The following BRINP3 variants were observed in gnomAD, a reference collection of about 807,000 sequenced individuals.
BRINP3 encodes the protein BMP/retinoic acid inducible neural specific 3.
BRINP3 carries 19 observed loss-of-function variants against 71.0 expected under a neutral mutation model. The observed-to-expected ratio is 0.27, with a 90% CI of 0.19 to 0.39. The LOEUF is 0.39. BRINP3 is among the 10% of genes least tolerant of loss of function. BRINP3 has a pLI of 1.00. For missense variants in BRINP3, 959 were observed against 940.8 expected, an observed-to-expected ratio of 1.02 and a Z score of -0.25; for synonymous variants, 380 against 337.7, an observed-to-expected ratio of 1.13 and a Z score of -1.37.
intron 6 of BRINP3, among the ~76,000 whole-genome samples, chr1:190,197,399 A>G (rs1458642386): frequency 6.6e-6 from 1 of 152,182 alleles, no homozygotes; most frequent in Non-Finnish European, 1.5e-5. Context: ...CATGAACTCA[A>G]AAGTCCATAG....
intron 1 of BRINP3, chr1:190,476,119 G>C (rs1042539800): frequency 6.6e-6 from 1 of 152,132 alleles, no homozygotes; most frequent in Admixed American, 6.5e-5. Context: ...CCCGAGACGG[G>C]GGGATGGGGC....
At chr1:190,443,715 T>G (rs1164661780) in intron 2 of BRINP3, among the ~76,000 whole-genome samples, 2 of 152,138 alleles carry the variant, frequency 1.3e-5, no homozygotes, top group African/African-American at 4.8e-5. Flanking sequence ...CAAGATAAAC[T>G]GAGAGGTTTA....
intron 2 of BRINP3, among the ~76,000 whole-genome samples, chr1:190,300,782 A>G (rs1664623990): frequency 6.6e-6 from 1 of 152,248 alleles, no homozygotes; most frequent in East Asian, 1.9e-4. Flanking sequence ...TCTGTACTTC[A>G]CCATCATCAA....
intron 2 of BRINP3, among the ~76,000 whole-genome samples, chr1:190,364,074 T>A (rs79525121): frequency 6.6e-6 from 1 of 151,766 alleles, no homozygotes; most frequent in Non-Finnish European, 1.5e-5. Flanking sequence ...AAAAAAAAAG[T>A]AGTATCTCTG....
At chr1:190,192,641 G>C (rs1328193347) in intron 6 of BRINP3, among the ~76,000 whole-genome samples, 1 of 151,644 alleles carries the variant, frequency 6.6e-6, no homozygotes, top group African/African-American at 2.4e-5. Flanking sequence ...AGTTCTCTAT[G>C]ACCCTCAAAA....
intron 3 of BRINP3, among the ~76,000 whole-genome samples, chr1:190,271,089 T>C (rs1662072101): frequency 6.6e-6 from 1 of 151,674 alleles, no homozygotes; most frequent in Admixed American, 6.6e-5. Flanking sequence ...AGTCTCCCTT[T>C]GTATGGTAGT....
chr1:190,169,588 G>C (rs951938224), intron 6 of BRINP3, among the ~76,000 whole-genome samples: 2 of 152,058 alleles, frequency 1.3e-5, no homozygotes, highest in African/African-American at 4.8e-5. Flanking sequence ...GAGGCCTCAA[G>C]GGCAATTATA....
chr1:190,268,101 T>C (rs1661809436), intron 3 of BRINP3, among the ~76,000 whole-genome samples: 1 of 152,160 alleles, frequency 6.6e-6, no homozygotes, highest in Admixed American at 6.6e-5. Flanking sequence ...ATAATTCCAA[T>C]ACTGCAAAAC....
Position 190,226,312 on chromosome 1 carries a change from T to C in BRINP3, c.731A>G (p.Gln244Arg), listed in dbSNP as rs778025234. 1 of 1,539,860 alleles carries C rather than the reference T, an allele frequency of 6.5e-7. No homozygotes were observed. Among genetic ancestry groups the C allele is most frequent in the Admixed American group, 2.0e-5 (1 of 49,040 alleles). Residue 244 changes from glutamine (Q) to arginine (R), a missense_variant, in exon 6 of 8, where the codon CAA (glutamine) becomes CGA (arginine). Coordinates refer to ENST00000367462, the MANE Select transcript of BRINP3 (RefSeq NM_199051.3). ...PENKIQLQGL[Q>R]VLLPDYLQER... ...CTGAAGATAGTCTGGGAGAAGTACTTGAAGCCCTTGAAGAACAAACAAAGA... is the reference window on the plus strand; with the variant it reads ...CTGAAGATAGTCTGGGAGAAGTACTCGAAGCCCTTGAAGAACAAACAAAGA...
chr1:190,443,911 G>A lies in BRINP3; in HGVS notation c.236+10744C>T, dbSNP rs150761594. 2.1e-3 allele frequency among the ~76,000 whole-genome samples: 314 copies of A among 152,132 alleles called. 1 individual carries two copies. Among genetic ancestry groups the A allele is most frequent in the Non-Finnish European group, 3.4e-3 (228 of 67,980 alleles). On this transcript the variant is annotated intron_variant, in intron 2 of 7. Coordinates refer to ENST00000367462, the MANE Select transcript of BRINP3 (RefSeq NM_199051.3). The stretch of plus-strand genomic sequence containing the variant: ...TTCTTTCTATAAACAGACCTGATTG[G>A]GAACGTGGACAGGAACTTTGCTATA...
chr1:190,296,250 T>C (rs546092098), intron 2 of BRINP3, among the ~76,000 whole-genome samples: 3 of 151,574 alleles, frequency 2.0e-5, no homozygotes, highest in Non-Finnish European at 2.9e-5. Flanking sequence ...AAACATGGGA[T>C]GTAAGGATGA....
intron 7 of BRINP3, among the ~76,000 whole-genome samples, chr1:190,099,911 T>G (rs1468424029): frequency 1.3e-5 from 2 of 152,176 alleles, no homozygotes. Context: ...AAATCTCACT[T>G]TTCTGATTTT....
chr1:190,389,656 G>A (rs1671128213), intron 2 of BRINP3, among the ~76,000 whole-genome samples: 2 of 151,662 alleles, frequency 1.3e-5, no homozygotes, highest in Admixed American at 6.6e-5. Flanking sequence ...ATAAGCTTAA[G>A]GCACATCATT....
chr1:190,260,791 C>T (rs1035051079), intron 4 of BRINP3, among the ~76,000 whole-genome samples: 6 of 152,140 alleles, frequency 3.9e-5, no homozygotes, highest in East Asian at 1.9e-4. Flanking sequence ...GTTAACTATG[C>T]AGCAGTAAAA....
intron 2 of BRINP3, among the ~76,000 whole-genome samples, chr1:190,286,084 C>T (rs1663404507): frequency 1.3e-5 from 2 of 152,116 alleles, no homozygotes; most frequent in Non-Finnish European, 2.9e-5. Flanking sequence ...ATAGAACACA[C>T]ATATGGGCTG....
At chr1:190,116,674 T>C (rs1653160342) in intron 7 of BRINP3, among the ~76,000 whole-genome samples, 1 of 152,018 alleles carries the variant, frequency 6.6e-6, no homozygotes, top group Non-Finnish European at 1.5e-5. Context: ...TCCTAATAGA[T>C]TTTCTGATCC....
intron 7 of BRINP3, among the ~76,000 whole-genome samples, chr1:190,117,404 C>A (rs1230091452): frequency 6.6e-6 from 1 of 151,898 alleles, no homozygotes; most frequent in Non-Finnish European, 1.5e-5. Flanking sequence ...TATTTTAAAT[C>A]ACTATTTATT....
At chr1:190,210,715 AT>A (rs1185721270) in intron 6 of BRINP3, among the ~76,000 whole-genome samples, 3 of 152,046 alleles carry the variant, frequency 2.0e-5, no homozygotes, top group Non-Finnish European at 4.4e-5. Context: ...GTTAATACTG[AT>A]TGTCAACTTG....
intron 7 of BRINP3, among the ~76,000 whole-genome samples, chr1:190,157,953 TC>T (rs1272944569): frequency 6.6e-6 from 1 of 152,018 alleles, no homozygotes; most frequent in Non-Finnish European, 1.5e-5. Context: ...TAAAATCACG[TC>T]CTTTGCAGTA....
Sources: allele counts gnomAD v4.1 joint callset (sites outside exome capture counted in the v4.1 genomes callset), GRCh38; gene constraint gnomAD v4.1.1; transcripts MANE v1.5; gene names NCBI Gene and HGNC (gene_info 2026-07-23, HGNC 2026-07-21).